The following DTNA variants were observed in gnomAD, a reference collection of about 807,000 sequenced individuals.
DTNA encodes the protein dystrophin-related protein 3.
In DTNA, 43 loss-of-function variants were observed where a neutral mutation model predicts 100.7. That is an observed-to-expected ratio of 0.43 (90% CI 0.33 to 0.55). The LOEUF (loss-of-function observed/expected upper bound fraction) is 0.55, where lower values mean the gene tolerates loss of function less well. Ranked by LOEUF, DTNA falls within the 20% of genes least tolerant of loss-of-function variation. The pLI is 0.04. For missense variants in DTNA, 798 were observed against 953.9 expected (o/e 0.84, Z 2.15); for synonymous variants, 349 against 347.9 (o/e 1.00, Z -0.04).
intron 1 of DTNA, among the ~76,000 whole-genome samples, chr18:34,647,993 G>C (rs1314763956): frequency 6.6e-6 from 1 of 152,186 alleles, no homozygotes; most frequent in Non-Finnish European, 1.5e-5. Context: ...AATCAGGGAA[G>C]GTCTTTCTGA....
At position 34,827,632 on chromosome 18, in the gene DTNA, C is replaced by T. The variant is rs1602806087; in HGVS notation, c.1041C>T (p.Phe347=). 3 of 1,613,826 alleles carry T rather than the reference C, an allele frequency of 1.9e-6. No individual in the cohort carries two copies. In the South Asian group the frequency reaches 3.3e-5, roughly 18 times the overall value. ...RPVTSMNDTL[F]SHSVPSSGSP... ...TAACCAGCATGAACGACACCCTGTT[C>T]TCCCACTCTGTTCCCTCCTCAGGAA... is the stretch of plus-strand genomic sequence containing the variant. The change falls in exon 10 of 23, where the codon TTC becomes TTT. Residue 347 remains phenylalanine (F), a synonymous_variant. Coordinates refer to ENST00000444659, the MANE Select transcript of DTNA (RefSeq NM_001386795.1).
At chr18:34,746,674 C>A (rs73422392) in intron 1 of DTNA, among the ~76,000 whole-genome samples, 1,923 of 152,278 alleles carry the variant, frequency 0.013, 46 homozygotes, top group African/African-American at 0.044. Context: ...CAAGCTCAAC[C>A]TTTGGCAGGG....
chr18:34,585,330 G>A (rs28811364), intron 1 of DTNA, among the ~76,000 whole-genome samples: 15,673 of 152,018 alleles, frequency 0.1, 1,175 homozygotes, highest in African/African-American at 0.21. Context: ...AGAGTTTGAG[G>A]AAATATAAGA....
At chr18:34,856,446 T>C (rs1322907208) in intron 15 of DTNA, among the ~76,000 whole-genome samples, 1 of 152,242 alleles carries the variant, frequency 6.6e-6, no homozygotes, top group Non-Finnish European at 1.5e-5. Flanking sequence ...AAGGTAATGG[T>C]TCCTTATAGC....
In DTNA at chr18:34,890,448, C is replaced by A. The variant is rs893233832; in HGVS notation, c.*2714C>A. The A allele has an allele frequency of 6.5e-7, 1 of 1,535,954 alleles. No individual in the cohort carries two copies. The highest frequency in any genetic ancestry group is 8.7e-7 in the Non-Finnish European group (1 of 1,146,904). On this transcript the variant is annotated 3_prime_UTR_variant, in exon 23 of 23. Coordinates refer to ENST00000444659, the MANE Select transcript of DTNA (RefSeq NM_001386795.1). ...TTTTGGGGCCTGTTCTAAGTGCAAACCCAGCAAGTTTCACTTGTCCTGTCC... is the reference window on the plus strand; with the variant it reads ...TTTTGGGGCCTGTTCTAAGTGCAAAACCAGCAAGTTTCACTTGTCCTGTCC...
intron 4 of DTNA, among the ~76,000 whole-genome samples, chr18:34,797,708 G>T (rs1289042820): frequency 6.6e-6 from 1 of 152,200 alleles, no homozygotes; most frequent in African/African-American, 2.4e-5. Context: ...CCTATAATGT[G>T]CAGCCTTTTT....
intron 1 of DTNA, among the ~76,000 whole-genome samples, chr18:34,680,797 A>G (rs1413957325): frequency 2.0e-5 from 3 of 152,188 alleles, no homozygotes; most frequent in African/African-American, 7.2e-5. Flanking sequence ...GAAGAAAAAA[A>G]TGAAAATGAA....
chr18:34,565,518 AATCAAAGCCC>A (rs2047006295), intron 1 of DTNA, among the ~76,000 whole-genome samples: 1 of 152,170 alleles, frequency 6.6e-6, no homozygotes, highest in Non-Finnish European at 1.5e-5. Context: ...AGAAGTCCAA[AATCAAAGCCC>A]CAGCAAGGCC....
chr18:34,497,179 T>C (rs1180380990), intron 1 of DTNA, among the ~76,000 whole-genome samples: 1 of 152,208 alleles, frequency 6.6e-6, no homozygotes, highest in African/African-American at 2.4e-5. Flanking sequence ...TTGTTGTTGT[T>C]GTTTTTGATA....
intron 15 of DTNA, among the ~76,000 whole-genome samples, chr18:34,854,066 G>C (rs1051109626): frequency 6.6e-6 from 1 of 152,148 alleles, no homozygotes; most frequent in African/African-American, 2.4e-5. Flanking sequence ...AGGGCTCGAA[G>C]CAAACAATGT....
chr18:34,883,261 T>C (rs1346254719), intron 21 of DTNA, among the ~76,000 whole-genome samples: 1 of 152,176 alleles, frequency 6.6e-6, no homozygotes, highest in East Asian at 1.9e-4. Flanking sequence ...TCAGACTTTC[T>C]GTCCAGTGGC....
chr18:34,820,022 A>G (rs1401506885), intron 8 of DTNA, among the ~76,000 whole-genome samples: 2 of 149,300 alleles, frequency 1.3e-5, no homozygotes, highest in African/African-American at 4.9e-5. Context: ...TTGCTTTTGC[A>G]CCAACCTAAT....
chr18:34,609,616 G>A (rs1342965354), intron 1 of DTNA, among the ~76,000 whole-genome samples: 1 of 152,122 alleles, frequency 6.6e-6, no homozygotes, highest in East Asian at 1.9e-4. Flanking sequence ...GCCTGATATA[G>A]CTACTGTCTT....
intron 5 of DTNA, among the ~76,000 whole-genome samples, chr18:34,806,628 G>A (rs9963930): frequency 0.025 from 3,864 of 152,244 alleles, 169 homozygotes; most frequent in African/African-American, 0.087. Context: ...TGATAGGCAC[G>A]TGAAGGCTTA....
intron 1 of DTNA, among the ~76,000 whole-genome samples, chr18:34,735,596 C>A (rs144764324): frequency 6.6e-6 from 1 of 152,218 alleles, no homozygotes; most frequent in East Asian, 1.9e-4. Flanking sequence ...CAGTTCATTG[C>A]ATTATTTCAT....
In DTNA at chr18:34,496,154, G is replaced by C. The variant is rs2039173063; in HGVS notation, c.-2+2640G>C. 2.0e-5 allele frequency among the ~76,000 whole-genome samples: 3 copies of C among 146,840 alleles called. No homozygotes were observed. In the South Asian group the frequency reaches 6.5e-4, roughly 32 times the overall value. ...AAACGGCACGGAAACATGATCTGTG[G>C]ATATGAGAAAAAATATTTGGCTCTT... On this transcript the variant is annotated intron_variant, in intron 1 of 19. Transcript: ENST00000283365.
intron 1 of DTNA, among the ~76,000 whole-genome samples, chr18:34,743,537 A>C (rs1367766317): frequency 6.6e-6 from 1 of 152,200 alleles, no homozygotes; most frequent in African/African-American, 2.4e-5. Context: ...GCTATGAATT[A>C]ATCTCTATTC....
intron 1 of DTNA, among the ~76,000 whole-genome samples, chr18:34,753,960 AAAGT>A (rs1260500628): frequency 6.6e-6 from 1 of 152,228 alleles, no homozygotes; most frequent in Admixed American, 6.5e-5. Context: ...TTATAAAAAG[AAAGT>A]ATTTGACCAT....
chr18:34,753,068 CT>C (rs911530859), intron 1 of DTNA, among the ~76,000 whole-genome samples: 5 of 152,148 alleles, frequency 3.3e-5, no homozygotes, highest in East Asian at 1.9e-4. Flanking sequence ...TCTCTTTCCT[CT>C]TTTTTTTCTC....
Sources: allele counts gnomAD v4.1 joint callset (sites outside exome capture counted in the v4.1 genomes callset), GRCh38; gene constraint gnomAD v4.1.1; transcripts MANE v1.5; gene names NCBI Gene and HGNC (gene_info 2026-07-23, HGNC 2026-07-21).